The following ALDH4A1 variants were observed in gnomAD, a reference collection of about 807,000 sequenced individuals.
ALDH4A1 encodes delta-1-pyrroline-5-carboxylate dehydrogenase, mitochondrial.
ALDH4A1 carries 46 observed loss-of-function variants against 70.5 expected under a neutral mutation model. The observed-to-expected ratio is 0.65, with a 90% CI of 0.51 to 0.83. The LOEUF (loss-of-function observed/expected upper bound fraction) is 0.83, where lower values mean the gene tolerates loss of function less well. Ranked by LOEUF, ALDH4A1 falls within the 40% of genes least tolerant of loss-of-function variation. ALDH4A1 has a pLI of 0.00. For missense variants in ALDH4A1, 749 were observed against 766.5 expected (o/e 0.98, Z 0.27); for synonymous variants, 323 against 324.3 (o/e 1.00, Z 0.04).
chr1:18,884,162 C>A (rs984911055), intron 5 of ALDH4A1, among the ~76,000 whole-genome samples: 1 of 152,204 alleles, frequency 6.6e-6, no homozygotes, highest in Non-Finnish European at 1.5e-5. Context: ...AGGCCAAATA[C>A]AGAGAAAGCC....
intron 9 of ALDH4A1, 86 bp from the exon 10 acceptor site, chr1:18,877,698 T>C (rs1224193043): frequency 2.2e-5 from 33 of 1,492,290 alleles, no homozygotes; most frequent in Non-Finnish European, 3.0e-5. Flanking sequence ...ACGCCATCCA[T>C]GGCCCGGGAC....
chr1:18,875,283 G>C, intron 13 of ALDH4A1, 99 bp downstream of exon 13: 1 of 1,582,666 alleles, frequency 6.3e-7, no homozygotes, highest in Non-Finnish European at 8.6e-7. Flanking sequence ...GAGAAGGTAG[G>C]GGCAGCATTA....
rs1332245880 is a variant in ALDH4A1 at position 18,877,240 on chromosome 1, C to G, written c.1153G>C (p.Gly385Arg). 6.2e-7 allele frequency: 1 copy of G among 1,607,532 alleles called. No individual in the cohort carries two copies. The highest frequency in any genetic ancestry group is 8.5e-7 in the Non-Finnish European group (1 of 1,176,880). Residue 385 changes from glycine (G) to arginine (R), a missense_variant, in exon 11 of 15, where the codon GGG becomes CGG. Physicochemically the swap from Gly to Arg is moderately radical, Grantham distance 125. Transcript: ENST00000375341. ...TCAATCACTGCAGAGAAGAAGGTCC[C>G]AAAATCCTCTGCAGGCTGGAGGCAA... ...IKVGDPAEDF[G>R]TFFSAVIDAK...
rs758752602 is a variant in ALDH4A1 at position 18,879,294 on chromosome 1, C to T, written c.940+6G>A. On this transcript the variant is annotated splice_donor_region_variant and intron_variant, in intron 9 of 14. Coordinates refer to ENST00000375341, the MANE Select transcript of ALDH4A1 (RefSeq NM_003748.4). ...ACACGGGAGGAGGAGGTGAGGCAGGCCTTACCTCCAGCCAGGCGTGGGAAG... is the reference window on the plus strand; with the variant it reads ...ACACGGGAGGAGGAGGTGAGGCAGGTCTTACCTCCAGCCAGGCGTGGGAAG... 5.0e-6 allele frequency: 8 copies of T among 1,604,738 alleles called. No individual in the cohort carries two copies. The East Asian group carries it at 9.0e-5, about 18-fold the overall frequency.
intron 14 of ALDH4A1, among the ~76,000 whole-genome samples, chr1:18,874,026 T>A (rs1174993274): frequency 6.6e-6 from 1 of 152,158 alleles, no homozygotes; most frequent in Non-Finnish European, 1.5e-5. Context: ...CCAGCCAGCA[T>A]CCATCAAGAG....
At chr1:18,885,427 T>TACCCACCCCCCCCCCCCCCC in intron 5 of ALDH4A1, 46 bp downstream of exon 5, 1 of 650,922 alleles carries the variant, frequency 1.5e-6, no homozygotes, top group Non-Finnish European at 2.7e-6. Context: ...CACACCTGAC[T>TACCCACCCCCCCCCCCCCCC]CCCACCCCAC....
chr1:18,885,388 T>A, intron 5 of ALDH4A1, 85 bp downstream of exon 5: 2 of 1,415,216 alleles, frequency 1.4e-6, no homozygotes, highest in Middle Eastern at 4.9e-4. Context: ...CAGAAGCGCT[T>A]CAGCTGATGT....
chr1:18,896,224 C>T (rs906783785), intron 1 of ALDH4A1, among the ~76,000 whole-genome samples: 4 of 152,158 alleles, frequency 2.6e-5, no homozygotes, highest in Non-Finnish European at 4.4e-5. Context: ...ACAGCCAGCC[C>T]GTACCCATCC....
In ALDH4A1 at chr1:18,883,326, T is replaced by G; in HGVS notation, c.556A>C (p.Ile186Leu). Residue 186 changes from isoleucine to leucine, a missense_variant, in exon 6 of 15, where the codon ATC becomes CTC. By Grantham distance (5) the Ile-to-Leu change is conservative. Transcript: ENST00000375341. ...YAVELEGQQP[I>L]SVPPSTNSTV... The stretch of plus-strand genomic sequence containing the variant: ...CTGTTGGTGCTCGGGGGCACGCTGA[T>G]GGGCTGCTGCCCCTCCAGCTCCACC... 1 of 1,613,324 alleles carries G rather than the reference T, an allele frequency of 6.2e-7. No individual in the cohort carries two copies. The highest frequency in any genetic ancestry group is 8.5e-7 in the Non-Finnish European group (1 of 1,180,040).
intron 4 of ALDH4A1, among the ~76,000 whole-genome samples, chr1:18,886,195 GC>G (rs1025385882): frequency 3.9e-5 from 6 of 152,116 alleles, no homozygotes; most frequent in African/African-American, 1.4e-4. Flanking sequence ...TCCAAGGTCT[GC>G]CCCACCACAA....
chr1:18,875,885 G>A (rs1934659844), intron 12 of ALDH4A1, among the ~76,000 whole-genome samples: 1 of 152,194 alleles, frequency 6.6e-6, no homozygotes, highest in Admixed American at 6.5e-5. Flanking sequence ...GGGGCTGGGG[G>A]GAAGATCTTC....
chr1:18,883,671 C>T (rs1187335533), intron 5 of ALDH4A1, among the ~76,000 whole-genome samples: 1 of 152,226 alleles, frequency 6.6e-6, no homozygotes, highest in African/African-American at 2.4e-5. Flanking sequence ...TTTTAGTGAT[C>T]CTCTGTAGCA....
At chr1:18,873,429 G>A (rs537835567) in intron 14 of ALDH4A1, among the ~76,000 whole-genome samples, 2 of 152,294 alleles carry the variant, frequency 1.3e-5, no homozygotes, top group Admixed American at 1.3e-4. Flanking sequence ...ATGCTAATGA[G>A]GGCTCTTGCA....
chr1:18,891,483 C>T (rs1935428905), intron 1 of ALDH4A1, among the ~76,000 whole-genome samples: 1 of 152,130 alleles, frequency 6.6e-6, no homozygotes, highest in South Asian at 2.1e-4. Context: ...GTGGGGTTCA[C>T]TGGTCGGCGC....
rs1019287865 is a variant in ALDH4A1 at position 18,887,406 on chromosome 1, T to C, written c.250-895A>G. Among the ~76,000 whole-genome samples, 17 of 152,374 alleles carry C rather than the reference T, an allele frequency of 1.1e-4. No homozygotes were observed. In the East Asian group the frequency reaches 2.3e-3, roughly 21 times the overall value. On this transcript the variant is annotated intron_variant, in intron 3 of 14. Coordinates refer to ENST00000375341, the MANE Select transcript of ALDH4A1 (RefSeq NM_003748.4). The stretch of plus-strand genomic sequence containing the variant: ...CAAGGTCAGGAGATCGAGACCATCC[T>C]GGCTAACATGGTGAAACCCTCTCTC...
Position 18,875,508 on chromosome 1 carries a change from G to GAGAGAGGCCCCGC in ALDH4A1, c.1339-6_1339-5insGCGGGGCCTCTCT, listed in dbSNP as rs780670283. 4 of 1,613,954 alleles carry GAGAGAGGCCCCGC rather than the reference G, an allele frequency of 2.5e-6. No homozygotes were observed. In the African/African-American group the frequency reaches 5.3e-5, roughly 22 times the overall value. On this transcript the variant is annotated splice_polypyrimidine_tract_variant and splice_region_variant and intron_variant, in intron 12 of 14. Transcript: ENST00000375341. ...CAGTACAGGCCCGAAGATCTCCTAG[G>GAGAGAGGCCCCGC]AGAGAGGCCCCGGCGTCAGACCCTC...
At chr1:18,900,336 C>A (rs182395481) in intron 1 of ALDH4A1, among the ~76,000 whole-genome samples, 12 of 152,298 alleles carry the variant, frequency 7.9e-5, no homozygotes, top group Admixed American at 7.8e-4. Context: ...GACTGTTTCT[C>A]CATAAATGCA....
At position 18,872,800 on chromosome 1, in the gene ALDH4A1, C is replaced by T. The variant is rs1325478673; in HGVS notation, c.*45G>A. The T allele has an allele frequency of 1.3e-6, 2 of 1,530,530 alleles. No individual in the cohort carries two copies. The allele number at this position is 1,530,530 out of a possible 1,614,324, so 94.8% of individuals were successfully genotyped here. On this transcript the variant is annotated 3_prime_UTR_variant, in exon 15 of 15. Coordinates refer to ENST00000375341, the MANE Select transcript of ALDH4A1 (RefSeq NM_003748.4). ...AGTGGGGTCTGTGCAGTGAGGTCGGCCACCTGGACGGACAGACAGCTGGAC... is the reference window on the plus strand; with the variant it reads ...AGTGGGGTCTGTGCAGTGAGGTCGGTCACCTGGACGGACAGACAGCTGGAC...
At chr1:18,883,989 C>T (rs533114791) in intron 5 of ALDH4A1, among the ~76,000 whole-genome samples, 3 of 152,316 alleles carry the variant, frequency 2.0e-5, no homozygotes, top group East Asian at 1.9e-4. Flanking sequence ...ATGTGAGCTG[C>T]AGGGAAAAGA....
Sources: allele counts gnomAD v4.1 joint callset (sites outside exome capture counted in the v4.1 genomes callset), GRCh38; gene constraint gnomAD v4.1.1; transcripts MANE v1.5; gene names NCBI Gene and HGNC (gene_info 2026-07-23, HGNC 2026-07-21).